DNAJC6: variants seen among roughly 807,000 people sequenced by gnomAD.
The protein encoded by DNAJC6 is auxilin.
DNAJC6 carries 34 observed loss-of-function variants against 110.0 expected under a neutral mutation model. The observed-to-expected ratio is 0.31, with a 90% CI of 0.24 to 0.41. DNAJC6 has a LOEUF of 0.41. Ranked by LOEUF, DNAJC6 falls within the 10% of genes least tolerant of loss-of-function variation. The pLI is 1.00. For missense variants in DNAJC6, 1,031 were observed against 1,207.8 expected, an observed-to-expected ratio of 0.85 and a Z score of 2.17; for synonymous variants, 406 against 437.2, an observed-to-expected ratio of 0.93 and a Z score of 0.89.
intron 4 of DNAJC6, among the ~76,000 whole-genome samples, chr1:65,373,339 G>A (rs1055553746): frequency 6.6e-6 from 1 of 151,924 alleles, no homozygotes; most frequent in Non-Finnish European, 1.5e-5. Context: ...GGAATTGCTG[G>A]GTCATATGGA....
At chr1:65,320,454 C>A (rs4916042) in intron 1 of DNAJC6, among the ~76,000 whole-genome samples, 1 of 152,110 alleles carries the variant, frequency 6.6e-6, no homozygotes, top group East Asian at 1.9e-4. Flanking sequence ...AACTCCAAAT[C>A]TAAGCTCTGA....
In DNAJC6 at chr1:65,405,993, C is replaced by T. The variant is rs935798985; in HGVS notation, c.2351C>T (p.Ala784Val). 3.7e-6 allele frequency: 6 copies of T among 1,614,074 alleles called. No homozygotes were observed. The Admixed American group carries it at 6.7e-5, about 18-fold the overall frequency. ...PMGGGWQQGG[A>V]YNWQQPQPKP... is the part of the protein sequence containing the mutation. ...GGTGGCGGGTGGCAGCAGGGAGGTG[C>T]CTACAACTGGCAGCAGCCACAGCCT... Residue 784 changes from alanine (A) to valine (V), a missense_variant, in exon 16 of 19, where the codon GCC becomes GTC. Ala to Val is a moderately conservative substitution (Grantham distance 64). Transcript: ENST00000371069.
At chr1:65,324,453 G>A (rs879728660) in intron 1 of DNAJC6, among the ~76,000 whole-genome samples, 4 of 151,816 alleles carry the variant, frequency 2.6e-5, no homozygotes, top group African/African-American at 4.8e-5. Context: ...TCCACCTCCC[G>A]GGTTCAAGCA....
intron 1 of DNAJC6, among the ~76,000 whole-genome samples, chr1:65,332,033 C>T (rs796438485): frequency 5.3e-5 from 8 of 152,188 alleles, no homozygotes; most frequent in African/African-American, 1.9e-4. Context: ...CTCAGCATGT[C>T]CTGGGACCTG....
At chr1:65,339,563 C>T (rs569368259) in intron 1 of DNAJC6, among the ~76,000 whole-genome samples, 54 of 152,094 alleles carry the variant, frequency 3.6e-4, no homozygotes, top group Non-Finnish European at 6.6e-4. Context: ...TTTTTAGTAG[C>T]GGAATATTAG....
intron 13 of DNAJC6, among the ~76,000 whole-genome samples, chr1:65,396,511 G>T (rs1645978305): frequency 2.0e-5 from 3 of 151,894 alleles, no homozygotes; most frequent in South Asian, 4.2e-4. Context: ...TGTTTCCTCT[G>T]CCTCATACTC....
intron 2 of DNAJC6, 145 bp from the exon 3 acceptor site, chr1:65,365,740 C>A: frequency 1.2e-6 from 1 of 859,390 alleles, no homozygotes; most frequent in Non-Finnish European, 1.8e-6. Context: ...GTGATCCTTC[C>A]TTGTTGGAGA....
At chr1:65,404,512 G>A (rs1168051196) in intron 15 of DNAJC6, among the ~76,000 whole-genome samples, 1 of 152,102 alleles carries the variant, frequency 6.6e-6, no homozygotes, top group Non-Finnish European at 1.5e-5. Context: ...CATGACACTT[G>A]GTAATGCTCA....
intron 15 of DNAJC6, among the ~76,000 whole-genome samples, chr1:65,404,736 T>C (rs182841061): frequency 9.3e-4 from 141 of 152,272 alleles, no homozygotes; most frequent in African/African-American, 3.2e-3. Flanking sequence ...GTGAAAGGCT[T>C]AGCAATTAGG....
chr1:65,311,213 C>CGGTT (rs1645096149), intron 1 of DNAJC6, among the ~76,000 whole-genome samples: 1 of 69,744 alleles, frequency 1.4e-5, no homozygotes, highest in Non-Finnish European at 2.8e-5. Flanking sequence ...GGTTTCAGGA[C>CGGTT]TGTTTTTTTT....
intron 9 of DNAJC6, 126 bp from the exon 10 acceptor site, chr1:65,389,130 C>A: frequency 1.2e-6 from 1 of 861,868 alleles, no homozygotes; most frequent in Non-Finnish European, 1.8e-6. Context: ...CTGGTTATGA[C>A]TGAGTCTTTT....
chr1:65,339,461 G>A (rs7528114), intron 1 of DNAJC6, among the ~76,000 whole-genome samples: 91,276 of 152,076 alleles, frequency 0.6, 28,218 homozygotes, highest in African/African-American at 0.75. Context: ...AGATAGTAAT[G>A]GCGTGTACAT....
chr1:65,294,600 T>C (rs1644911946), intron 1 of DNAJC6, among the ~76,000 whole-genome samples: 1 of 152,308 alleles, frequency 6.6e-6, no homozygotes, highest in African/African-American at 2.4e-5. Context: ...GTGCTGTAAG[T>C]ATAAAATACA....
chr1:65,290,438 A>G (rs1040413897), intron 1 of DNAJC6, among the ~76,000 whole-genome samples: 7 of 152,176 alleles, frequency 4.6e-5, no homozygotes, highest in Admixed American at 2.0e-4. Flanking sequence ...CAATATCGTG[A>G]TATTACTTTA....
intron 1 of DNAJC6, among the ~76,000 whole-genome samples, chr1:65,294,408 G>GA (rs34516051): frequency 2.2e-4 from 34 of 151,428 alleles, no homozygotes; most frequent in Middle Eastern, 3.4e-3. Flanking sequence ...TGTTGACTAT[G>GA]AAAAAAAAAT....
chr1:65,284,695 T>G (rs1653957279), intron 1 of DNAJC6, among the ~76,000 whole-genome samples: 2 of 145,938 alleles, frequency 1.4e-5, no homozygotes, highest in African/African-American at 2.5e-5. Context: ...CTGTTTTTTG[T>G]TTTTTTTTTT....
chr1:65,352,713 A>G (rs886941429), intron 1 of DNAJC6, among the ~76,000 whole-genome samples: 5 of 152,194 alleles, frequency 3.3e-5, no homozygotes, highest in African/African-American at 1.2e-4. Flanking sequence ...TCTGGAGAAC[A>G]GTAATTTGAT....
chr1:65,406,727 A>G (rs1646080510), intron 16 of DNAJC6, among the ~76,000 whole-genome samples: 1 of 152,180 alleles, frequency 6.6e-6, no homozygotes, highest in African/African-American at 2.4e-5. Flanking sequence ...TACTCTGGAT[A>G]GGATCTTGAC....
intron 1 of DNAJC6, among the ~76,000 whole-genome samples, chr1:65,362,543 C>T (rs761365788): frequency 1.5e-4 from 23 of 152,154 alleles, no homozygotes; most frequent in South Asian, 6.2e-4. Flanking sequence ...GTTCTCTTGA[C>T]CCCTAGATTT....
Sources: gnomAD v4.1 joint callset for allele counts (sites outside exome capture counted in the v4.1 genomes callset) on GRCh38, gnomAD v4.1.1 for gene constraint, MANE v1.5 for transcripts, NCBI Gene and HGNC (gene_info 2026-07-23, HGNC 2026-07-21) for gene names.